Variants in NXPH1 observed in about 807,000 individuals in gnomAD.
The protein encoded by NXPH1 is neurexophilin-1.
In NXPH1, 5 loss-of-function variants were observed where a neutral mutation model predicts 23.7. The ratio of observed to expected loss-of-function variants is 0.21; its 90% confidence interval spans 0.11 to 0.44. The LOEUF is 0.44. NXPH1 is among the 20% of genes least tolerant of loss of function. The probability of loss-of-function intolerance (pLI) is 0.99; values close to 1 mark genes in which losing one functional copy is unlikely to be tolerated. For synonymous variants in NXPH1, 144 were observed against 122.2 expected, an observed-to-expected ratio of 1.18 and a Z score of -1.18; for missense variants, 324 against 321.6, an observed-to-expected ratio of 1.01 and a Z score of -0.06.
chr7:8,458,889 A>G (rs1177963616), intron 2 of NXPH1, among the ~76,000 whole-genome samples: 1 of 152,176 alleles, frequency 6.6e-6, no homozygotes, highest in African/African-American at 2.4e-5. Context: ...CAACTGTTTG[A>G]AAAGATCCCT....
intron 2 of NXPH1, among the ~76,000 whole-genome samples, chr7:8,504,219 T>C (rs1455106088): frequency 6.6e-6 from 1 of 152,040 alleles, no homozygotes; most frequent in African/African-American, 2.4e-5. Flanking sequence ...TCTCTTGTAG[T>C]ATTGCTTCTT....
At chr7:8,517,880 G>A (rs576586321) in intron 2 of NXPH1, among the ~76,000 whole-genome samples, 12 of 152,168 alleles carry the variant, frequency 7.9e-5, no homozygotes, top group African/African-American at 2.7e-4. Flanking sequence ...AGTGAACAGA[G>A]TTGCCTGGGA....
At chr7:8,438,535 T>TCTCA (rs1816235340) in intron 2 of NXPH1, among the ~76,000 whole-genome samples, 1 of 152,248 alleles carries the variant, frequency 6.6e-6, no homozygotes, top group South Asian at 2.1e-4. Flanking sequence ...TTAGCTGATA[T>TCTCA]CTCAGTGCAC....
rs180952884 is a variant in NXPH1 at position 8,659,538 on chromosome 7, C to T, written c.55-91470C>T. Among the ~76,000 whole-genome samples, 936 of 152,152 alleles carry T rather than the reference C, an allele frequency of 6.2e-3. 3 individuals are homozygous for T. The highest frequency in any genetic ancestry group is 0.021 in the African/African-American group (878 of 41,484). On this transcript the variant is annotated intron_variant, in intron 2 of 2. Transcript: ENST00000405863. The stretch of plus-strand genomic sequence containing the variant: ...ATAGGTGGGAATTGAACAATGAGAA[C>T]ACTTGGACACAGGAAGGGGAACATC...
chr7:8,710,686 C>A (rs932604177), intron 2 of NXPH1, among the ~76,000 whole-genome samples: 1 of 90,850 alleles, frequency 1.1e-5, no homozygotes, highest in Non-Finnish European at 1.8e-5. Flanking sequence ...GACGGAGTCT[C>A]GCTCTGTCGC....
At chr7:8,473,321 A>G (rs1033203752) in intron 2 of NXPH1, among the ~76,000 whole-genome samples, 1 of 152,114 alleles carries the variant, frequency 6.6e-6, no homozygotes, top group Non-Finnish European at 1.5e-5. Flanking sequence ...CATTACACCC[A>G]GGCTATGTTA....
rs994396398 is a variant in NXPH1, at chr7:8,542,851, G to A, written c.54+107084G>A. Among the ~76,000 whole-genome samples, 6 of 151,478 alleles carry A rather than the reference G, an allele frequency of 4.0e-5. No homozygotes were observed. In the South Asian group the frequency reaches 1.2e-3, roughly 31 times the overall value. ...AGTTTACACAGGCAAAATAATGTGG[G>A]TACTATGAGAAAGACTTATTCAACA... On this transcript the variant is annotated intron_variant, in intron 2 of 2. Transcript: ENST00000405863.
At chr7:8,637,631 T>G (rs1820240711) in intron 2 of NXPH1, among the ~76,000 whole-genome samples, 1 of 152,176 alleles carries the variant, frequency 6.6e-6, no homozygotes, top group African/African-American at 2.4e-5. Context: ...CTTTTTATTT[T>G]TAGATGCTGT....
In NXPH1 at chr7:8,499,611, C is replaced by A. The variant is rs185380551; in HGVS notation, c.54+63844C>A. ...TGTATGCAGCATCTTCCCAGGACCT[C>A]CCAGGTTCCACACAGAAATGCTCCC... On this transcript the variant is annotated intron_variant, in intron 2 of 2. Transcript: ENST00000405863. Among the ~76,000 whole-genome samples, 10 of 152,188 alleles carry A rather than the reference C, an allele frequency of 6.6e-5. No homozygotes were observed. In the East Asian group the frequency reaches 1.9e-3, roughly 30 times the overall value.
chr7:8,616,614 G>A (rs1819743115), intron 2 of NXPH1, among the ~76,000 whole-genome samples: 1 of 151,978 alleles, frequency 6.6e-6, no homozygotes, highest in Non-Finnish European at 1.5e-5. Flanking sequence ...TTAGGACAGA[G>A]AGCGAAGCAT....
intron 2 of NXPH1, among the ~76,000 whole-genome samples, chr7:8,678,655 C>T (rs1229740272): frequency 6.6e-6 from 1 of 152,052 alleles, no homozygotes; most frequent in East Asian, 1.9e-4. Context: ...CAGGCTCCTA[C>T]GGGTCCGCAG....
chr7:8,707,370 T>G (rs1471294486), intron 2 of NXPH1, among the ~76,000 whole-genome samples: 1 of 152,186 alleles, frequency 6.6e-6, no homozygotes, highest in Admixed American at 6.5e-5. Context: ...CAGCATAATA[T>G]TTCTCAGGCT....
chr7:8,522,957 C>A lies in NXPH1; in HGVS notation c.54+87190C>A, dbSNP rs544716940. ...AGACAGATGAACCTGAATTTCAGTC[C>A]CAGCTCTGTCATATACCAGCTGTGT... is the stretch of plus-strand genomic sequence containing the variant. On this transcript the variant is annotated intron_variant, in intron 2 of 2. Transcript: ENST00000405863. 3.3e-5 allele frequency among the ~76,000 whole-genome samples: 5 copies of A among 152,310 alleles called. No individual in the cohort carries two copies. In the South Asian group the frequency reaches 1.0e-3, roughly 32 times the overall value.
chr7:8,626,992 G>A (rs1820005665), intron 2 of NXPH1, among the ~76,000 whole-genome samples: 1 of 152,028 alleles, frequency 6.6e-6, no homozygotes, highest in Admixed American at 6.6e-5. Flanking sequence ...TGAATATCCT[G>A]TGAACGCCTC....
At chr7:8,732,004 A>G (rs1168059117) in intron 2 of NXPH1, among the ~76,000 whole-genome samples, 2 of 152,210 alleles carry the variant, frequency 1.3e-5, no homozygotes, top group Non-Finnish European at 2.9e-5. Flanking sequence ...CTCCGCGGGC[A>G]TAGGACCCTC....
At chr7:8,450,181 G>T (rs1158708546) in intron 2 of NXPH1, among the ~76,000 whole-genome samples, 1 of 152,176 alleles carries the variant, frequency 6.6e-6, no homozygotes, top group Non-Finnish European at 1.5e-5. Context: ...GGCAGCAGGA[G>T]GTGGGGAGAG....
intron 2 of NXPH1, among the ~76,000 whole-genome samples, chr7:8,519,944 A>G (rs1285523757): frequency 6.6e-6 from 1 of 152,184 alleles, no homozygotes; most frequent in African/African-American, 2.4e-5. Flanking sequence ...ATCATCTTAA[A>G]AATCTCACTG....
chr7:8,516,014 A>G (rs552980441), intron 2 of NXPH1, among the ~76,000 whole-genome samples: 196 of 152,160 alleles, frequency 1.3e-3, no homozygotes, highest in Non-Finnish European at 2.1e-3. Flanking sequence ...TCTTAGTCAT[A>G]TATTTTTCTG....
intron 2 of NXPH1, among the ~76,000 whole-genome samples, chr7:8,701,393 C>T (rs1016453159): frequency 2.6e-5 from 4 of 152,048 alleles, no homozygotes; most frequent in Non-Finnish European, 4.4e-5. Flanking sequence ...CTAGTCTCAT[C>T]TCCTGTGGCT....
Sources: allele counts gnomAD v4.1 joint callset (sites outside exome capture counted in the v4.1 genomes callset), GRCh38; gene constraint gnomAD v4.1.1; transcripts MANE v1.5; gene names NCBI Gene and HGNC (gene_info 2026-07-23, HGNC 2026-07-21).